Variants in CNTN4 observed in about 807,000 individuals in gnomAD.
CNTN4 encodes the protein contactin-4.
In CNTN4, 77 loss-of-function variants were observed where a neutral mutation model predicts 122.5. The ratio of observed to expected loss-of-function variants is 0.63; its 90% CI spans 0.52 to 0.76. The LOEUF (loss-of-function observed/expected upper bound fraction) is 0.76, where lower values mean the gene tolerates loss of function less well. Ranked by LOEUF, CNTN4 falls within the 30% of genes least tolerant of loss-of-function variation. The pLI is 0.00. For synonymous variants in CNTN4, 512 were observed against 447.0 expected, an observed-to-expected ratio of 1.15 and a Z score of -1.83; for missense variants, 1,256 against 1,259.1, an observed-to-expected ratio of 1.00 and a Z score of 0.04.
At chr3:2,921,880 A>C (rs917710689) in intron 12 of CNTN4, among the ~76,000 whole-genome samples, 11 of 152,244 alleles carry the variant, frequency 7.2e-5, no homozygotes, top group African/African-American at 2.2e-4. Context: ...ATATGACCAA[A>C]ATTCATTTAA....
At chr3:2,129,576 A>G (rs2034354002) in intron 2 of CNTN4, among the ~76,000 whole-genome samples, 1 of 152,156 alleles carries the variant, frequency 6.6e-6, no homozygotes, top group South Asian at 2.1e-4. Flanking sequence ...GTATGTTTCT[A>G]CTTACTTAAA....
At chr3:2,510,376 T>G (rs76007106) in intron 3 of CNTN4, among the ~76,000 whole-genome samples, 275 of 26,302 alleles carry the variant, frequency 0.01, no homozygotes, top group Middle Eastern at 0.031. Flanking sequence ...TTGTTTGGGG[T>G]TTTTTTTTGT....
intron 2 of CNTN4, among the ~76,000 whole-genome samples, chr3:2,163,785 C>A (rs939558852): frequency 6.6e-6 from 1 of 151,968 alleles, no homozygotes; most frequent in Admixed American, 6.6e-5. Context: ...CAAAATAAAA[C>A]CATAACGAGA....
At chr3:2,258,678 T>C (rs2040698582) in intron 2 of CNTN4, among the ~76,000 whole-genome samples, 1 of 152,184 alleles carries the variant, frequency 6.6e-6, no homozygotes, top group Admixed American at 6.5e-5. Flanking sequence ...ATTTCATGCA[T>C]GCAGCCTATT....
At chr3:2,121,835 T>G (rs533783283) in intron 2 of CNTN4, among the ~76,000 whole-genome samples, 1 of 152,180 alleles carries the variant, frequency 6.6e-6, no homozygotes, top group African/African-American at 2.4e-5. Context: ...CCCTGGATAG[T>G]GTCTGAACTT....
At chr3:2,129,170 A>G (rs2034324922) in intron 2 of CNTN4, among the ~76,000 whole-genome samples, 1 of 143,636 alleles carries the variant, frequency 7.0e-6, no homozygotes, top group Non-Finnish European at 1.5e-5. Flanking sequence ...GAGCTTTAAC[A>G]TTTTTCATTT....
chr3:2,300,859 G>A (rs879671715), intron 2 of CNTN4, among the ~76,000 whole-genome samples: 16 of 152,072 alleles, frequency 1.1e-4, no homozygotes, highest in Non-Finnish European at 7.4e-5. Flanking sequence ...GTGAGCCACC[G>A]TGCCTGGCCG....
intron 3 of CNTN4, among the ~76,000 whole-genome samples, chr3:2,362,037 C>A (rs2045168041): frequency 6.6e-6 from 1 of 152,092 alleles, no homozygotes; most frequent in Non-Finnish European, 1.5e-5. Flanking sequence ...TAAGAGTTGA[C>A]CAGGTTGATT....
intron 5 of CNTN4, among the ~76,000 whole-genome samples, chr3:2,743,227 T>C (rs892855376): frequency 6.6e-6 from 1 of 152,136 alleles, no homozygotes; most frequent in Non-Finnish European, 1.5e-5. Context: ...TCTACTATCA[T>C]TTGAAGTAAG....
intron 7 of CNTN4, among the ~76,000 whole-genome samples, chr3:2,842,183 G>T (rs2093373637): frequency 6.6e-6 from 1 of 152,144 alleles, no homozygotes; most frequent in African/African-American, 2.4e-5. Flanking sequence ...AAGAGTGCAG[G>T]TAATGGGTTG....
At chr3:3,040,370 C>T in intron 20 of CNTN4, 99 bp downstream of exon 20, 1 of 884,770 alleles carries the variant, frequency 1.1e-6, no homozygotes, top group Non-Finnish European at 1.8e-6. Flanking sequence ...GTACATGTAT[C>T]TTGAAGGCAT....
intron 10 of CNTN4, among the ~76,000 whole-genome samples, chr3:2,895,859 C>T (rs542848662): frequency 4.6e-5 from 7 of 152,130 alleles, no homozygotes; most frequent in Non-Finnish European, 1.0e-4. Context: ...AGGGTGAAAC[C>T]CCGTCTCTAC....
intron 3 of CNTN4, among the ~76,000 whole-genome samples, chr3:2,347,282 A>G (rs1176503551): frequency 6.6e-6 from 1 of 152,240 alleles, no homozygotes; most frequent in East Asian, 1.9e-4. Context: ...GGCAAAATAA[A>G]GAAAACCTGT....
chr3:2,964,252 T>C (rs1379616827), intron 13 of CNTN4, among the ~76,000 whole-genome samples: 1 of 152,196 alleles, frequency 6.6e-6, no homozygotes, highest in Non-Finnish European at 1.5e-5. Flanking sequence ...ATCGGCAATT[T>C]CATTGGAGAA....
chr3:2,654,015 C>G (rs904444159), intron 4 of CNTN4, among the ~76,000 whole-genome samples: 1 of 152,140 alleles, frequency 6.6e-6, no homozygotes, highest in Non-Finnish European at 1.5e-5. Flanking sequence ...GTTGTTAATT[C>G]TTTGTTTTGT....
intron 13 of CNTN4, among the ~76,000 whole-genome samples, chr3:2,963,371 G>A (rs1459854438): frequency 6.6e-6 from 1 of 151,976 alleles, no homozygotes; most frequent in Admixed American, 6.6e-5. Context: ...TCACATTTAT[G>A]AATGTGATTA....
At chr3:3,014,084 A>ACC (rs1697508053) in intron 14 of CNTN4, among the ~76,000 whole-genome samples, 1 of 142,448 alleles carries the variant, frequency 7.0e-6, no homozygotes, top group African/African-American at 2.6e-5. Context: ...ACACACACAC[A>ACC]CACCCCTAGG....
chr3:2,255,949 C>T (rs1185549691), intron 2 of CNTN4, among the ~76,000 whole-genome samples: 1 of 151,966 alleles, frequency 6.6e-6, no homozygotes, highest in African/African-American at 2.4e-5. Flanking sequence ...CAGAGCAGAA[C>T]TGAAGGAGAT....
At chr3:2,334,471 T>C (rs1178539) in intron 2 of CNTN4, among the ~76,000 whole-genome samples, 121,957 of 152,158 alleles carry the variant, frequency 0.8, 50,006 homozygotes, top group East Asian at 1. Flanking sequence ...TTTTATCTTT[T>C]GAAGAACCTT....
Sources: gnomAD v4.1 joint callset for allele counts (sites outside exome capture counted in the v4.1 genomes callset) on GRCh38, gnomAD v4.1.1 for gene constraint, MANE v1.5 for transcripts, NCBI Gene and HGNC (gene_info 2026-07-23, HGNC 2026-07-21) for gene names.